Variants in SDHAF2 observed in about 807,000 individuals in gnomAD.
The protein encoded by SDHAF2 is succinate dehydrogenase assembly factor 2, mitochondrial.
In SDHAF2, 21 loss-of-function variants were observed where a neutral mutation model predicts 18.5. That is an observed-to-expected ratio of 1.13 (90% CI 0.80 to 1.63). The LOEUF (loss-of-function observed/expected upper bound fraction) is 1.63, where lower values mean the gene tolerates loss of function less well. Among genes scored for constraint, SDHAF2 ranks in the 40% most tolerant of loss-of-function variants. SDHAF2 has a pLI of 0.00. For missense variants in SDHAF2, 195 were observed against 200.3 expected (o/e 0.97, Z 0.16); for synonymous variants, 84 against 70.7 (o/e 1.19, Z -0.94).
At chr11:61,438,889 CA>C (rs1590765590) in intron 3 of SDHAF2, among the ~76,000 whole-genome samples, 1 of 152,068 alleles carries the variant, frequency 6.6e-6, no homozygotes, top group East Asian at 1.9e-4. Context: ...TCCAAAAATT[CA>C]AAAATTAGCC....
chr11:61,440,019 A>G (rs185893918), intron 3 of SDHAF2, among the ~76,000 whole-genome samples: 1 of 152,292 alleles, frequency 6.6e-6, no homozygotes, highest in East Asian at 1.9e-4. Flanking sequence ...TAATAGGGCC[A>G]GGTGTGGTAG....
At chr11:61,441,147 T>G (rs1391751915) in intron 3 of SDHAF2, among the ~76,000 whole-genome samples, 2 of 152,188 alleles carry the variant, frequency 1.3e-5, no homozygotes, top group Non-Finnish European at 2.9e-5. Flanking sequence ...ATCACGCCAC[T>G]GCATTTCAGC....
chr11:61,442,466 C>T (rs558888298), intron 3 of SDHAF2, among the ~76,000 whole-genome samples: 13 of 152,278 alleles, frequency 8.5e-5, no homozygotes, highest in Admixed American at 6.5e-4. Context: ...TATGTGTCTT[C>T]TCTTTCTGAA....
At chr11:61,445,630 T>G (rs1862128379) in intron 3 of SDHAF2, among the ~76,000 whole-genome samples, 1 of 152,220 alleles carries the variant, frequency 6.6e-6, no homozygotes, top group African/African-American at 2.4e-5. Flanking sequence ...AAGGACCAGA[T>G]AGTAAGTATT....
chr11:61,437,560 T>C, intron 1 of SDHAF2, 65 bp from the exon 2 acceptor site: 3 of 1,341,852 alleles, frequency 2.2e-6, no homozygotes, highest in Admixed American at 1.7e-5. Flanking sequence ...CTAGTAAGCA[T>C]TGAGTAAATG....
At chr11:61,438,216 T>TG in intron 3 of SDHAF2, 103 bp downstream of exon 3, 1 of 938,470 alleles carries the variant, frequency 1.1e-6, no homozygotes, top group Non-Finnish European at 1.7e-6. Context: ...TTTTTTTTTT[T>TG]GAGACTGAGT....
chr11:61,432,144 G>A (rs1188297056), intron 1 of SDHAF2: 1 of 152,196 alleles, frequency 6.6e-6, no homozygotes, highest in East Asian at 1.9e-4. Flanking sequence ...TGTAGTCCCA[G>A]CTACTTGAGA....
intron 1 of SDHAF2, chr11:61,434,504 C>T (rs1861969779): frequency 6.6e-6 from 1 of 151,398 alleles, no homozygotes; most frequent in Non-Finnish European, 1.5e-5. Flanking sequence ...AGCTTTCTGC[C>T]CCTGTCTTTC....
chr11:61,439,372 C>T (rs952273463), intron 3 of SDHAF2, among the ~76,000 whole-genome samples: 4 of 152,166 alleles, frequency 2.6e-5, no homozygotes, highest in African/African-American at 4.8e-5. Flanking sequence ...AGATCCCGCT[C>T]AGGAAATTAT....
rs2135436017 is a variant in SDHAF2, at chr11:61,430,135, C to T, written c.-12C>T. On this transcript the variant is annotated 5_prime_UTR_variant, in exon 1 of 4. Transcript: ENST00000301761. The stretch of plus-strand genomic sequence containing the variant: ...GTGCCCGCGCAGCCGGTTTCCGGTG[C>T]AGGTGGGGAAAATGGCGGTGTCTAC... 1 of 1,614,158 alleles carries T rather than the reference C, an allele frequency of 6.2e-7. No homozygotes were observed. Among genetic ancestry groups the T allele is most frequent in the Non-Finnish European group, 8.5e-7 (1 of 1,180,012 alleles).
intron 1 of SDHAF2, chr11:61,431,029 C>CT (rs548043341): frequency 3.0e-3 from 430 of 145,168 alleles, no homozygotes; most frequent in African/African-American, 4.8e-3. Context: ...TGTTGTTTTC[C>CT]TTTTTTTTTT....
intron 3 of SDHAF2, among the ~76,000 whole-genome samples, chr11:61,439,481 T>C (rs919249427): frequency 2.0e-5 from 3 of 152,252 alleles, no homozygotes; most frequent in Non-Finnish European, 4.4e-5. Flanking sequence ...TCTGCCCAGC[T>C]GTGTTGGAGA....
chr11:61,443,666 C>T (rs1862097396), intron 3 of SDHAF2, among the ~76,000 whole-genome samples: 1 of 152,186 alleles, frequency 6.6e-6, no homozygotes, highest in South Asian at 2.1e-4. Flanking sequence ...GGCTGGAGTG[C>T]AGTGGCACCC....
At chr11:61,431,402 C>T (rs1861907341) in intron 1 of SDHAF2, 1 of 152,204 alleles carries the variant, frequency 6.6e-6, no homozygotes, top group Non-Finnish European at 1.5e-5. Context: ...AACTCCTGGC[C>T]TCAAGTGATC....
At chr11:61,442,381 C>T (rs1292249990) in intron 3 of SDHAF2, among the ~76,000 whole-genome samples, 3 of 152,140 alleles carry the variant, frequency 2.0e-5, no homozygotes, top group African/African-American at 7.2e-5. Context: ...GCTTCATATT[C>T]CCTCCGGTGT....
At chr11:61,442,657 A>G (rs1270793957) in intron 3 of SDHAF2, among the ~76,000 whole-genome samples, 1 of 152,010 alleles carries the variant, frequency 6.6e-6, no homozygotes, top group African/African-American at 2.4e-5. Context: ...TTACCCCTTC[A>G]GCTATTTCTT....
At chr11:61,442,995 TC>T (rs1205351392) in intron 3 of SDHAF2, among the ~76,000 whole-genome samples, 15 of 152,248 alleles carry the variant, frequency 9.9e-5, no homozygotes, top group African/African-American at 3.6e-4. Flanking sequence ...CCTCAAGTGA[TC>T]CGTCTGCCTC....
intron 3 of SDHAF2, among the ~76,000 whole-genome samples, chr11:61,445,458 T>A (rs1349827829): frequency 6.6e-6 from 1 of 152,224 alleles, no homozygotes; most frequent in Admixed American, 6.5e-5. Flanking sequence ...CTCTTAAAAC[T>A]GAGGACCTCT....
chr11:61,440,080 C>T (rs1417068086), intron 3 of SDHAF2, among the ~76,000 whole-genome samples: 1 of 152,092 alleles, frequency 6.6e-6, no homozygotes, highest in African/African-American at 2.4e-5. Context: ...TCTGGGAAGC[C>T]GAGGCAGGTG....
Sources: gnomAD v4.1 joint callset for allele counts (sites outside exome capture counted in the v4.1 genomes callset) on GRCh38, gnomAD v4.1.1 for gene constraint, MANE v1.5 for transcripts, NCBI Gene and HGNC (gene_info 2026-07-23, HGNC 2026-07-21) for gene names.